FBXW11: variants seen among roughly 807,000 people sequenced by gnomAD.
FBXW11 encodes the protein F-box/WD repeat-containing protein 11.
In FBXW11, 19 loss-of-function variants were observed where a neutral mutation model predicts 77.6. The observed-to-expected ratio is 0.24, with a 90% CI of 0.17 to 0.36. The LOEUF is 0.36. Ranked by LOEUF, FBXW11 falls within the 10% of genes least tolerant of loss-of-function variation. The pLI is 1.00. For synonymous variants in FBXW11, 235 were observed against 249.4 expected (o/e 0.94, Z 0.54); for missense variants, 334 against 704.2 (o/e 0.47, Z 5.95).
chr5:171,935,862 G>A (rs971659264), intron 2 of FBXW11, among the ~76,000 whole-genome samples: 3 of 152,006 alleles, frequency 2.0e-5, no homozygotes, highest in African/African-American at 7.3e-5. Context: ...TGTAATCTCA[G>A]CACTTTGGGA....
intron 5 of FBXW11, among the ~76,000 whole-genome samples, chr5:171,899,394 A>AC (rs1759963953): frequency 6.6e-6 from 1 of 152,188 alleles, no homozygotes; most frequent in Non-Finnish European, 1.5e-5. Context: ...AACTTAGTAC[A>AC]CATCAAACTT....
At chr5:171,959,774 T>C (rs1763799189) in intron 1 of FBXW11, among the ~76,000 whole-genome samples, 1 of 150,060 alleles carries the variant, frequency 6.7e-6, no homozygotes, top group African/African-American at 2.5e-5. Flanking sequence ...TGCTTGAACC[T>C]GGGAGTCAGA....
intron 2 of FBXW11, among the ~76,000 whole-genome samples, chr5:171,915,496 A>C (rs573372638): frequency 1.6e-4 from 25 of 152,296 alleles, no homozygotes; most frequent in African/African-American, 6.0e-4. Flanking sequence ...ACCACTGAAC[A>C]CTAGCTGCTC....
chr5:171,907,066 C>T (rs1561670965), intron 4 of FBXW11, among the ~76,000 whole-genome samples: 2 of 152,152 alleles, frequency 1.3e-5, no homozygotes, highest in Non-Finnish European at 2.9e-5. Flanking sequence ...TATGAATTTT[C>T]CCATTAACAA....
At chr5:171,967,168 T>C (rs1032893497) in intron 1 of FBXW11, among the ~76,000 whole-genome samples, 3 of 152,224 alleles carry the variant, frequency 2.0e-5, no homozygotes, top group African/African-American at 4.8e-5. Flanking sequence ...AACTCTGCAA[T>C]ACATAGTCAA....
At chr5:171,941,702 T>TGAGAC (rs1485562285) in intron 2 of FBXW11, among the ~76,000 whole-genome samples, 1 of 151,848 alleles carries the variant, frequency 6.6e-6, no homozygotes, top group Non-Finnish European at 1.5e-5. Flanking sequence ...TCTATAAGCT[T>TGAGAC]GAGACTGTCT....
chr5:171,956,092 A>T (rs1581251328), intron 2 of FBXW11, among the ~76,000 whole-genome samples: 1 of 152,334 alleles, frequency 6.6e-6, no homozygotes, highest in Non-Finnish European at 1.5e-5. Context: ...TTAAATTTCC[A>T]GTTCTGGAAA....
At chr5:171,913,828 C>CACACACAT (rs1761047184) in intron 3 of FBXW11, among the ~76,000 whole-genome samples, 4 of 118,052 alleles carry the variant, frequency 3.4e-5, no homozygotes, top group Non-Finnish European at 5.2e-5. Flanking sequence ...TACACACACA[C>CACACACAT]ACACACACAC....
At chr5:171,961,644 A>T (rs1235927014) in intron 1 of FBXW11, among the ~76,000 whole-genome samples, 2 of 140,184 alleles carry the variant, frequency 1.4e-5, no homozygotes, top group Non-Finnish European at 3.0e-5. Flanking sequence ...CCACAACAGT[A>T]ATTGATTTTT....
In FBXW11 at chr5:171,904,609, G is replaced by T. The variant is rs903262036; in HGVS notation, c.437-4509C>A. Among the ~76,000 whole-genome samples, 1 of 152,048 alleles carries T rather than the reference G, an allele frequency of 6.6e-6. No individual in the cohort carries two copies. Among genetic ancestry groups the T allele is most frequent in the African/African-American group, 2.4e-5 (1 of 41,392 alleles). On this transcript the variant is annotated intron_variant, in intron 4 of 13. Transcript: ENST00000517395. The surrounding 1 kb of genome is among the most constrained non-coding windows in gnomAD (Gnocchi z 4.0). The stretch of plus-strand genomic sequence containing the variant: ...GTTTTTGGAAACAGATTCTCACTCT[G>T]TCGCCAGTATGGAGTGCAGTGGTGG...
chr5:171,916,342 G>A, intron 2 of FBXW11: 1 of 525,198 alleles, frequency 1.9e-6, no homozygotes, highest in Non-Finnish European at 2.4e-6. Context: ...TGCTCCAGAT[G>A]GCCGCCTATG....
intron 2 of FBXW11, among the ~76,000 whole-genome samples, chr5:171,944,500 C>CG (rs1413890373): frequency 1.4e-5 from 2 of 139,340 alleles, no homozygotes; most frequent in African/African-American, 5.2e-5. Flanking sequence ...GCGTGAACCC[C>CG]GGCAGGGCGG....
intron 7 of FBXW11, among the ~76,000 whole-genome samples, chr5:171,882,295 GCA>G (rs939256592): frequency 6.6e-6 from 1 of 152,044 alleles, no homozygotes; most frequent in East Asian, 1.9e-4. Context: ...GCACACATGT[GCA>G]CACACACAGC....
chr5:172,004,453 A>G (rs748027880), intron 1 of FBXW11, among the ~76,000 whole-genome samples: 2 of 152,228 alleles, frequency 1.3e-5, no homozygotes, highest in African/African-American at 2.4e-5. Flanking sequence ...TGTAAAATCA[A>G]AACTTTTTAA....
At chr5:171,875,140 G>GT (rs1191105553) in intron 9 of FBXW11, among the ~76,000 whole-genome samples, 1 of 152,066 alleles carries the variant, frequency 6.6e-6, no homozygotes, top group Non-Finnish European at 1.5e-5. Flanking sequence ...GTACTGGCTG[G>GT]GTGTGGTGGC....
At chr5:171,914,299 A>G in intron 3 of FBXW11, 44 bp downstream of exon 3, 1 of 1,516,958 alleles carries the variant, frequency 6.6e-7, no homozygotes, top group Non-Finnish European at 9.0e-7. Flanking sequence ...CATCCTATCT[A>G]CAGTAAGTCA....
intron 1 of FBXW11, among the ~76,000 whole-genome samples, chr5:172,004,557 A>T (rs1766610810): frequency 6.6e-6 from 1 of 152,202 alleles, no homozygotes; most frequent in African/African-American, 2.4e-5. Context: ...CGTATTTCTT[A>T]TAATTCTTTT....
chr5:171,967,070 G>A lies in FBXW11; in HGVS notation c.46-9372C>T, dbSNP rs190544028. Among the ~76,000 whole-genome samples, 41 of 152,212 alleles carry A rather than the reference G, an allele frequency of 2.7e-4. 1 individual carries two copies. The highest frequency in any genetic ancestry group is 2.2e-3 in the Admixed American group (33 of 15,292). Reference sequence around the variant, plus strand: ...CTTCCTTTACCTGACATTAAACTCCGTAGAGCAGCAAGTTTCCCTGATTTA... The same window carrying A: ...CTTCCTTTACCTGACATTAAACTCCATAGAGCAGCAAGTTTCCCTGATTTA... On this transcript the variant is annotated intron_variant, in intron 1 of 13. Coordinates refer to ENST00000517395, the MANE Select transcript of FBXW11 (RefSeq NM_001378974.1).
chr5:171,948,051 G>A (rs931996936), intron 2 of FBXW11, among the ~76,000 whole-genome samples: 5 of 151,922 alleles, frequency 3.3e-5, no homozygotes, highest in Admixed American at 3.3e-4. Flanking sequence ...CTGGCCAACA[G>A]AGTGAAACCC....
Sources: allele counts gnomAD v4.1 joint callset (sites outside exome capture counted in the v4.1 genomes callset), GRCh38; gene constraint gnomAD v4.1.1; non-coding constraint Gnocchi (gnomAD v3.1); transcripts MANE v1.5; gene names NCBI Gene and HGNC (gene_info 2026-07-23, HGNC 2026-07-21).